Variants in ZXDC observed in about 807,000 individuals in gnomAD.
ZXDC encodes the protein ZXD family zinc finger C.
ZXDC carries 58 observed loss-of-function variants against 63.6 expected under a neutral mutation model. That is an observed-to-expected ratio of 0.91 (90% CI 0.74 to 1.13). The LOEUF (loss-of-function observed/expected upper bound fraction) is 1.13, where lower values mean the gene tolerates loss of function less well. ZXDC is among the 50% of genes most tolerant of loss of function. The pLI, the probability that ZXDC is intolerant of heterozygous loss-of-function variation, is 0.00. For missense variants in ZXDC, 1,133 were observed against 1,148.9 expected, an observed-to-expected ratio of 0.99 and a Z score of 0.20; for synonymous variants, 561 against 496.1, an observed-to-expected ratio of 1.13 and a Z score of -1.74.
intron 5 of ZXDC, 118 bp downstream of exon 5, chr3:126,466,037 G>A (rs961677612): frequency 4.0e-6 from 5 of 1,253,354 alleles, no homozygotes; most frequent in East Asian, 2.4e-5. Flanking sequence ...TGGCAGCCAC[G>A]CCCACAACCC....
At chr3:126,468,432 G>C (rs563798748) in intron 4 of ZXDC, among the ~76,000 whole-genome samples, 1 of 152,124 alleles carries the variant, frequency 6.6e-6, no homozygotes, top group East Asian at 1.9e-4. Flanking sequence ...CCCCAAGAAT[G>C]ATCAACTCTC....
chr3:126,461,618 G>T lies in ZXDC; in HGVS notation c.2044C>A (p.Pro682Thr). 1 of 1,614,064 alleles carries T rather than the reference G, an allele frequency of 6.2e-7. No individual in the cohort carries two copies. Among genetic ancestry groups the T allele is most frequent in the Non-Finnish European group, 8.5e-7 (1 of 1,180,022 alleles). The change falls in exon 6 of 10, where the codon CCC becomes ACC. Residue 682 changes from proline (P) to threonine (T), a missense_variant. By Grantham distance (38) the Pro-to-Thr change is conservative. Transcript: ENST00000389709. ...GCTGGACTGGGCAACGTGGACTGGGGCAGCCCATGGCTTCCTTCCTGCTGC... is the reference window on the plus strand; with the variant it reads ...GCTGGACTGGGCAACGTGGACTGGGTCAGCCCATGGCTTCCTTCCTGCTGC... ...VGQQEGSHGLPQSTLPSPAEQ... is the reference protein window; with the variant it reads ...VGQQEGSHGLTQSTLPSPAEQ...
chr3:126,471,845 A>G, intron 3 of ZXDC, 128 bp downstream of exon 3: 1 of 730,342 alleles, frequency 1.4e-6, no homozygotes, highest in East Asian at 3.2e-5. Context: ...AATTTTCCAA[A>G]TCATCAACAC....
chr3:126,451,143 A>C (rs1934086156), intron 7 of ZXDC: 2 of 985,454 alleles, frequency 2.0e-6, no homozygotes, highest in African/African-American at 1.7e-5. Flanking sequence ...CTCCATCTTC[A>C]TGTTTTAATT....
intron 7 of ZXDC, chr3:126,454,422 T>A (rs1238510962): frequency 1.0e-6 from 1 of 985,464 alleles, no homozygotes; most frequent in African/African-American, 1.7e-5. Context: ...TTTGTCCCCA[T>A]GCTTTTTCCT....
At chr3:126,452,366 C>A in intron 7 of ZXDC, 1 of 985,432 alleles carries the variant, frequency 1.0e-6, no homozygotes, top group Non-Finnish European at 1.2e-6. Flanking sequence ...CTCTTTCCTT[C>A]ATCCCACGTC....
At chr3:126,454,810 T>C in intron 7 of ZXDC, 1 of 985,474 alleles carries the variant, frequency 1.0e-6, no homozygotes, top group Non-Finnish European at 1.2e-6. Flanking sequence ...ATTTCAAGAA[T>C]AAAACTTGAC....
rs1934995666 is a variant in ZXDC at position 126,471,939 on chromosome 3, A to G, written c.1139+34T>C. ...GCTGCTGACAAACCACTCATTTTCA[A>G]ACCTGATAATGCAAACCAAAATGTA... is the stretch of plus-strand genomic sequence containing the variant. On this transcript the variant is annotated intron_variant, in intron 3 of 9. Transcript: ENST00000389709. 3.2e-6 allele frequency: 5 copies of G among 1,563,234 alleles called. No individual in the cohort carries two copies. The South Asian group carries it at 3.5e-5, about 11-fold the overall frequency.
Position 126,475,790 on chromosome 3 carries a change from G to T in ZXDC, c.76C>A (p.Arg26=). 2 of 1,107,334 alleles carry T rather than the reference G, an allele frequency of 1.8e-6. No individual in the cohort carries two copies. Among genetic ancestry groups the T allele is most frequent in the Non-Finnish European group, 2.2e-6 (2 of 909,826 alleles). The allele number at this position is 1,107,334 out of a possible 1,614,324, so 68.6% of individuals were successfully genotyped here. ...CTCGCGCCGAGCGGCGCTGGGGCTCGGCGGAGCGGGCCGGGGCCGCCGCCA... is the reference window on the plus strand; with the variant it reads ...CTCGCGCCGAGCGGCGCTGGGGCTCTGCGGAGCGGGCCGGGGCCGCCGCCA... ...QHGGGPGPLR[R]APAPLGASPA... The change falls in exon 1 of 10, where the codon CGA becomes AGA. Residue 26 remains arginine (R), a synonymous_variant. Transcript: ENST00000389709.
intron 7 of ZXDC, among the ~76,000 whole-genome samples, chr3:126,448,031 C>T (rs1238466853): frequency 6.6e-6 from 1 of 152,226 alleles, no homozygotes; most frequent in African/African-American, 2.4e-5. Context: ...CTGAACTCTT[C>T]CTGCCTCAGC....
chr3:126,450,397 CCT>C lies in ZXDC; in HGVS notation c.2213-8453_2213-8452del, dbSNP rs550863545. On this transcript the variant is annotated intron_variant, in intron 7 of 9. Coordinates refer to ENST00000389709, the MANE Select transcript of ZXDC (RefSeq NM_025112.5). ...CGGCTTAGAGATCCACGCACCCTCC[CCT>C]GTTAGAGGCCACATCTGCCCCAGGG... The C allele has an allele frequency of 1.3e-3, 576 of 456,752 alleles. 2 individuals carry two copies. The highest frequency in any genetic ancestry group is 0.01 in the African/African-American group (505 of 50,208). 28.3% of individuals were successfully genotyped at this position (456,752 alleles called of 1,614,324 possible).
chr3:126,470,626 TCCTCACGA>T (rs1934946482), intron 4 of ZXDC, among the ~76,000 whole-genome samples: 1 of 152,126 alleles, frequency 6.6e-6, no homozygotes, highest in Non-Finnish European at 1.5e-5. Context: ...TTTCACCTAA[TCCTCACGA>T]CCACCAAATT....
rs771816436 is a variant in ZXDC at position 126,470,914 on chromosome 3, C to T, written c.1251G>A (p.Pro417=). 53 of 1,614,086 alleles carry T rather than the reference C, an allele frequency of 3.3e-5. No homozygotes were observed. The East Asian group carries it at 4.7e-4, about 14-fold the overall frequency. ...GHSITHLGTK[P]FECPVEGCCA... ...ATCTACCTTCCACAGGACACTCGAA[C>T]GGCTTTGTGCCTAGGTGGGTTATGC... is the stretch of plus-strand genomic sequence containing the variant. The change falls in exon 4 of 10, where the codon CCG becomes CCA. Residue 417 remains proline (P), a synonymous_variant. Coordinates refer to ENST00000389709, the MANE Select transcript of ZXDC (RefSeq NM_025112.5).
intron 5 of ZXDC, 35 bp from the exon 6 acceptor site, chr3:126,462,255 T>C (rs370056487): frequency 3.6e-4 from 554 of 1,553,360 alleles, no homozygotes; most frequent in Non-Finnish European, 4.5e-4. Flanking sequence ...GGTTACTTTA[T>C]GACCTTGAAG....
chr3:126,472,420 G>C, intron 1 of ZXDC, 115 bp from the exon 2 acceptor site: 1 of 1,294,874 alleles, frequency 7.7e-7, no homozygotes, highest in Non-Finnish European at 1.1e-6. Flanking sequence ...GGGAAAACAT[G>C]ACTCAGAAGC....
chr3:126,458,497 C>G, intron 7 of ZXDC: 2 of 797,516 alleles, frequency 2.5e-6, no homozygotes, highest in Non-Finnish European at 3.0e-6. Flanking sequence ...CTCGGCCTCC[C>G]AAAGTGCTGG....
intron 7 of ZXDC, among the ~76,000 whole-genome samples, chr3:126,444,399 G>A (rs1187526222): frequency 6.6e-6 from 1 of 152,052 alleles, no homozygotes; most frequent in Non-Finnish European, 1.5e-5. Flanking sequence ...AGTGGTGGTG[G>A]CGGGTGCCTG....
intron 4 of ZXDC, among the ~76,000 whole-genome samples, chr3:126,468,896 G>A (rs574239793): frequency 1.3e-3 from 205 of 152,242 alleles, no homozygotes; most frequent in African/African-American, 4.1e-3. Context: ...GCCAGTACCC[G>A]TCCCAGCCAC....
At chr3:126,451,637 A>T in intron 7 of ZXDC, 1 of 985,402 alleles carries the variant, frequency 1.0e-6, no homozygotes. Flanking sequence ...GGGAAGGCCT[A>T]GCCGACCTGG....
Sources: gnomAD v4.1 joint callset for allele counts (sites outside exome capture counted in the v4.1 genomes callset) on GRCh38, gnomAD v4.1.1 for gene constraint, MANE v1.5 for transcripts, NCBI Gene and HGNC (gene_info 2026-07-23, HGNC 2026-07-21) for gene names.